SIRT7: variants seen among roughly 807,000 people sequenced by gnomAD.
The protein encoded by SIRT7 is sirtuin 7, also known as NAD-dependent protein deacetylase sirtuin-7.
Under a neutral mutation model 42.8 loss-of-function variants are expected in SIRT7, and 32 were observed. The ratio of observed to expected loss-of-function variants is 0.75; its 90% CI spans 0.56 to 1.00. The LOEUF (loss-of-function observed/expected upper bound fraction) is 1.00. Ranked by LOEUF, SIRT7 falls within the 50% of genes least tolerant of loss-of-function variation. SIRT7 has a pLI of 0.00. For missense variants in SIRT7, 553 were observed against 572.2 expected, an observed-to-expected ratio of 0.97 and a Z score of 0.34; for synonymous variants, 297 against 245.2, an observed-to-expected ratio of 1.21 and a Z score of -1.97.
At chr17:81,917,548 G>A in intron 3 of SIRT7, 67 bp downstream of exon 3, 2 of 1,373,036 alleles carry the variant, frequency 1.5e-6, no homozygotes, top group South Asian at 1.4e-5. Flanking sequence ...CTGCTTTAAA[G>A]GCGAGTTTTT....
At position 81,912,744 on chromosome 17, in the gene SIRT7, G is replaced by A. The variant is rs2040706652; in HGVS notation, c.1005-130C>T. On this transcript the variant is annotated intron_variant, in intron 9 of 9. Coordinates refer to ENST00000328666, the MANE Select transcript of SIRT7 (RefSeq NM_016538.3). ...TCCCTCCCGTGTCAACTGCGGCGGG[G>A]CTCTGGTTGGCGGCAGCTTCATTGT... The A allele has an allele frequency of 6.2e-6, 6 of 975,134 alleles. No homozygotes were observed. The East Asian group carries it at 1.3e-4, about 21-fold the overall frequency. The allele number at this position is 975,134 out of a possible 1,614,324, so 60.4% of individuals were successfully genotyped here. A position where few individuals can be genotyped will look rare whatever the true frequency, so the allele number is the denominator to read the frequency against.
chr17:81,912,253 G>C lies in SIRT7; in HGVS notation c.*163C>G, dbSNP rs1416111447. ...GGCCAGGCCGTATCAGGGTACAACC[G>C]CAGCAGTGCAAGGGGCTTCCTCAAG... On this transcript the variant is annotated 3_prime_UTR_variant, in exon 10 of 10. Transcript: ENST00000328666. The C allele has an allele frequency of 5.7e-5, 48 of 844,626 alleles. No homozygotes were observed. In the Admixed American group the frequency reaches 1.0e-3, roughly 18 times the overall value. 52.3% of individuals were successfully genotyped at this position (844,626 alleles called of 1,614,324 possible). A position where few individuals can be genotyped will look rare whatever the true frequency, so the allele number is the denominator to read the frequency against.
Position 81,915,529 on chromosome 17 carries a change from A to T in SIRT7, c.408-17T>A, listed in dbSNP as rs373276483. The T allele has an allele frequency of 6.2e-7, 1 of 1,613,370 alleles. No homozygotes were observed. Among genetic ancestry groups the T allele is most frequent in the Non-Finnish European group, 8.5e-7 (1 of 1,179,874 alleles). On this transcript the variant is annotated splice_polypyrimidine_tract_variant and intron_variant, in intron 4 of 9. Transcript: ENST00000328666. ...TCGGCAGCACTGCCAGGCAGAAAGG[A>T]AGGCAAGGTGAGGAGAGCTGGAGCT...
In SIRT7 at chr17:81,912,206, C is replaced by T. The variant is rs1475895141; in HGVS notation, c.*210G>A. 3.2e-6 allele frequency: 2 copies of T among 620,320 alleles called. No homozygotes were observed. The highest frequency in any genetic ancestry group is 2.8e-6 in the Non-Finnish European group (1 of 354,182). 38.4% of individuals were successfully genotyped at this position (620,320 alleles called of 1,614,324 possible). ...GGCTGCCACCTCTTGACACAGAGGC[C>T]GGATGGGCAGGTGTCCTCGATGGCC... On this transcript the variant is annotated 3_prime_UTR_variant, in exon 10 of 10. Coordinates refer to ENST00000328666, the MANE Select transcript of SIRT7 (RefSeq NM_016538.3).
rs958006104 is a variant in SIRT7 at position 81,912,009 on chromosome 17, C to T, written c.*407G>A. The T allele has an allele frequency of 4.1e-6, 1 of 246,166 alleles. No homozygotes were observed. Among genetic ancestry groups the T allele is most frequent in the Admixed American group, 5.2e-5 (1 of 19,286 alleles). 15.2% of individuals were successfully genotyped at this position (246,166 alleles called of 1,614,324 possible). On this transcript the variant is annotated 3_prime_UTR_variant, in exon 10 of 10. Coordinates refer to ENST00000328666, the MANE Select transcript of SIRT7 (RefSeq NM_016538.3). Reference sequence around the variant, plus strand: ...CCGAGGCTCGGAGCCACCCCTCTGCCGCACATCCAGTACAGAGAGGATTCT... The same window carrying T: ...CCGAGGCTCGGAGCCACCCCTCTGCTGCACATCCAGTACAGAGAGGATTCT...
At chr17:81,915,272 C>T (rs976104309) in intron 5 of SIRT7, 168 bp downstream of exon 5, 1 of 695,102 alleles carries the variant, frequency 1.4e-6, no homozygotes, top group African/African-American at 1.8e-5. Context: ...CCCTTCTGTC[C>T]TGGAGAGTCA....
chr17:81,912,257 C>T lies in SIRT7; in HGVS notation c.*159G>A. On this transcript the variant is annotated 3_prime_UTR_variant, in exon 10 of 10. Coordinates refer to ENST00000328666, the MANE Select transcript of SIRT7 (RefSeq NM_016538.3). ...AGGCCGTATCAGGGTACAACCGCAG[C>T]AGTGCAAGGGGCTTCCTCAAGGACA... 1.2e-6 allele frequency: 1 copy of T among 869,202 alleles called. No homozygotes were observed. 53.8% of individuals were successfully genotyped at this position (869,202 alleles called of 1,614,324 possible).
At chr17:81,917,502 G>T in intron 3 of SIRT7, 113 bp downstream of exon 3, 1 of 913,290 alleles carries the variant, frequency 1.1e-6, no homozygotes. Context: ...GGTAAGTTTT[G>T]GTCATTTCGT....
At chr17:81,918,003 C>G in intron 1 of SIRT7, 36 bp from the exon 2 acceptor site, 6 of 1,353,376 alleles carry the variant, frequency 4.4e-6, no homozygotes, top group Non-Finnish European at 5.7e-6. Context: ...CGGCGCGGGC[C>G]GGGCATGGCC....
chr17:81,917,553 G>C (rs2040828150), intron 3 of SIRT7, 62 bp downstream of exon 3: 1 of 1,410,012 alleles, frequency 7.1e-7, no homozygotes, highest in African/African-American at 1.5e-5. Flanking sequence ...TTAAAGGCGA[G>C]TTTTTCGCGA....
chr17:81,915,644 A>T lies in SIRT7; in HGVS notation c.374T>A (p.Val125Glu). 1 of 1,613,800 alleles carries T rather than the reference A, an allele frequency of 6.2e-7. No individual in the cohort carries two copies. The highest frequency in any genetic ancestry group is 8.5e-7 in the Non-Finnish European group (1 of 1,179,968). Residue 125 changes from valine (V) to glutamate (E), a missense_variant, in exon 4 of 10, where the codon GTG (valine) becomes GAG (glutamate). Val to Glu is a moderately radical substitution (Grantham distance 121). Coordinates refer to ENST00000328666, the MANE Select transcript of SIRT7 (RefSeq NM_016538.3). Reference sequence around the variant, plus strand: ...TCTCCCTTTCTGAAGCAGTGTCCACACTCCATTAGGGCCCCGGTAGTCTGG... The same window carrying T: ...TCTCCCTTTCTGAAGCAGTGTCCACTCTCCATTAGGGCCCCGGTAGTCTGG... ...SIPDYRGPNG[V>E]WTLLQKGRSV...
Position 81,912,238 on chromosome 17 carries a change from T to C in SIRT7, c.*178A>G. 1.4e-6 allele frequency: 1 copy of C among 739,898 alleles called. No individual in the cohort carries two copies. The highest frequency in any genetic ancestry group is 1.7e-5 in the South Asian group (1 of 59,032). The allele number at this position is 739,898 out of a possible 1,614,324, so 45.8% of individuals were successfully genotyped here. On this transcript the variant is annotated 3_prime_UTR_variant, in exon 10 of 10. Coordinates refer to ENST00000328666, the MANE Select transcript of SIRT7 (RefSeq NM_016538.3). ...GCAGGTGTCCTCGATGGCCAGGCCG[T>C]ATCAGGGTACAACCGCAGCAGTGCA... is the stretch of plus-strand genomic sequence containing the variant.
chr17:81,914,779 G>A (rs557535151), intron 5 of SIRT7, 77 bp from the exon 6 acceptor site: 86 of 1,252,276 alleles, frequency 6.9e-5, no homozygotes, highest in East Asian at 6.3e-4. Context: ...GCCACAGCGA[G>A]GCTGTTCTGA....
rs778687363 is a variant in SIRT7 at position 81,915,617 on chromosome 17, C to T, written c.401G>A (p.Ser134Asn). 2.5e-6 allele frequency: 4 copies of T among 1,613,940 alleles called. No individual in the cohort carries two copies. Among genetic ancestry groups the T allele is most frequent in the Admixed American group, 1.7e-5 (1 of 60,014 alleles). ...CCATGCCTGGCCCGCTTACCTAACG[C>T]TTCTCCCTTTCTGAAGCAGTGTCCA... ...GVWTLLQKGR[S>N]VSAADLSEAE... is the part of the protein sequence containing the mutation. The change falls in exon 4 of 10, where the codon AGC becomes AAC. Residue 134 changes from serine to asparagine, a missense_variant. Physicochemically the swap from Ser to Asn is conservative, Grantham distance 46. Transcript: ENST00000328666.
rs966783411 is a variant in SIRT7 at position 81,915,684 on chromosome 17, G to T, written c.337-3C>A. The stretch of plus-strand genomic sequence containing the variant: ...CGGTAGTCTGGGATAGACGCTGCCT[G>T]CATGTCGAGAAAAAAGGTAAGCCAA... On this transcript the variant is annotated splice_region_variant and splice_polypyrimidine_tract_variant and intron_variant, in intron 3 of 9. Coordinates refer to ENST00000328666, the MANE Select transcript of SIRT7 (RefSeq NM_016538.3). 1 of 1,613,544 alleles carries T rather than the reference G, an allele frequency of 6.2e-7. No individual in the cohort carries two copies. The highest frequency in any genetic ancestry group is 8.5e-7 in the Non-Finnish European group (1 of 1,179,954).
rs2040691392 is a variant in SIRT7 at position 81,912,464 on chromosome 17, C to T, written c.1155G>A (p.Trp385Ter). The T allele has an allele frequency of 1.2e-6, 2 of 1,613,986 alleles. No homozygotes were observed. Among genetic ancestry groups the T allele is most frequent in the Non-Finnish European group, 8.5e-7 (1 of 1,179,978 alleles). ...TGCGTTTTGTGCAGCCCCTGCCAAACCAGCCCCCTAGGATGGGGGCCGAGC... is the reference window on the plus strand; with the variant it reads ...TGCGTTTTGTGCAGCCCCTGCCAAATCAGCCCCCTAGGATGGGGGCCGAGC... ...PLSSAPILGG[W>*]FGRGCTKRTK... is the part of the protein sequence containing the mutation. The change falls in exon 10 of 10, where the codon TGG becomes TGA. Residue 385 changes from tryptophan to a stop codon, truncating the protein, a stop_gained. Coordinates refer to ENST00000328666, the MANE Select transcript of SIRT7 (RefSeq NM_016538.3). LOFTEE classifies it high-confidence loss of function.
chr17:81,914,987 G>A (rs1339712096), intron 5 of SIRT7: 35 of 525,668 alleles, frequency 6.7e-5, no homozygotes, highest in Non-Finnish European at 1.1e-4. Context: ...TTGGGAAGTG[G>A]CTCGGGGTTT....
In SIRT7 at chr17:81,912,292, A is replaced by T; in HGVS notation, c.*124T>A. On this transcript the variant is annotated 3_prime_UTR_variant, in exon 10 of 10. Transcript: ENST00000328666. ...GGCTTCCTCAAGGACAAATGGCTAA[A>T]AATGTCACGGTGAAAATGTCATCCC... The T allele has an allele frequency of 7.7e-7, 1 of 1,295,914 alleles. No individual in the cohort carries two copies. The highest frequency in any genetic ancestry group is 1.1e-6 in the Non-Finnish European group (1 of 903,612). 80.3% of individuals were successfully genotyped at this position (1,295,914 alleles called of 1,614,324 possible).
intron 2 of SIRT7, 43 bp downstream of exon 2, chr17:81,917,787 C>G: frequency 7.1e-7 from 1 of 1,417,704 alleles, no homozygotes; most frequent in Non-Finnish European, 9.2e-7. Flanking sequence ...GCCCCAGCTG[C>G]TCCCGAAACC....
Sources: allele counts gnomAD v4.1 joint callset, GRCh38; gene constraint gnomAD v4.1.1; transcripts MANE v1.5; gene names NCBI Gene and HGNC (gene_info 2026-07-23, HGNC 2026-07-21).